The following COL5A2 variants were observed in gnomAD, a reference collection of about 807,000 sequenced individuals.
COL5A2 encodes the protein collagen alpha-2(V) chain.
Under a neutral mutation model 208.2 loss-of-function variants are expected in COL5A2, and 23 were observed. The ratio of observed to expected loss-of-function variants is 0.11; its 90% confidence interval spans 0.08 to 0.16. The LOEUF is 0.16. COL5A2 is among the 10% of genes least tolerant of loss of function. COL5A2 has a pLI of 1.00. For synonymous variants in COL5A2, 625 were observed against 628.5 expected, an observed-to-expected ratio of 0.99 and a Z score of 0.08; for missense variants, 1,590 against 1,956.4, an observed-to-expected ratio of 0.81 and a Z score of 3.53.
chr2:189,184,103 GGC>G (rs1688817106), upstream of COL5A2, among the ~76,000 whole-genome samples: 1 of 152,036 alleles, frequency 6.6e-6, no homozygotes, highest in Admixed American at 6.6e-5. Context: ...TAAACAAGTA[GGC>G]AAATATACAA....
intron 1 of COL5A2, among the ~76,000 whole-genome samples, chr2:189,130,109 C>T (rs560516862): frequency 7.9e-5 from 12 of 152,112 alleles, no homozygotes; most frequent in African/African-American, 2.6e-4. Flanking sequence ...GATAGGGCAA[C>T]GGACAAACAC....
intron 1 of COL5A2, among the ~76,000 whole-genome samples, chr2:189,114,646 AAAAT>A (rs1212151543): frequency 1.3e-5 from 2 of 151,222 alleles, no homozygotes; most frequent in Non-Finnish European, 1.5e-5. Context: ...AAAAAAAAAA[AAAAT>A]GTTTCTTAAA....
At chr2:189,127,685 T>C (rs1028940534) in intron 1 of COL5A2, among the ~76,000 whole-genome samples, 3 of 152,002 alleles carry the variant, frequency 2.0e-5, no homozygotes, top group Non-Finnish European at 2.9e-5. Context: ...AAAATAAGTA[T>C]GTGTTATTTA....
chr2:189,151,426 C>T (rs370458149), intron 1 of COL5A2, among the ~76,000 whole-genome samples: 2 of 152,076 alleles, frequency 1.3e-5, no homozygotes, highest in Non-Finnish European at 1.5e-5. Context: ...ACAAGAAAAG[C>T]AATAGTGATA....
At chr2:189,129,146 A>C (rs1012956531) in intron 1 of COL5A2, among the ~76,000 whole-genome samples, 8 of 151,958 alleles carry the variant, frequency 5.3e-5, no homozygotes, top group African/African-American at 1.9e-4. Context: ...ACAAACCAAA[A>C]ATAAAAAAAA....
the COL5A2 span, among the ~76,000 whole-genome samples, chr2:189,312,356 C>T: frequency 6.6e-6 from 1 of 152,136 alleles, no homozygotes; most frequent in Non-Finnish European, 1.5e-5. Context: ...TGGCCAGGCC[C>T]CCGGATCCCA....
the COL5A2 span, among the ~76,000 whole-genome samples, chr2:189,337,464 G>A: frequency 1.3e-5 from 2 of 152,134 alleles, no homozygotes; most frequent in East Asian, 3.9e-4. Flanking sequence ...TTACAGGCGT[G>A]AGCCACCGCG....
the COL5A2 span, among the ~76,000 whole-genome samples, chr2:189,325,179 A>G: frequency 5.4e-5 from 8 of 148,794 alleles, no homozygotes; most frequent in Admixed American, 5.4e-4. Flanking sequence ...GGGTGGGGGA[A>G]GGGGGAGGGA....
At position 189,033,092 on chromosome 2, in the gene COL5A2, C is replaced by CATTTGA. The variant is rs1210410652; in HGVS notation, c.*972_*977dup. The CATTTGA allele has an allele frequency of 1.3e-5, 2 of 152,554 alleles. No homozygotes were observed. The highest frequency in any genetic ancestry group is 4.8e-5 in the African/African-American group (2 of 41,428). 9.5% of individuals were successfully genotyped at this position (152,554 alleles called of 1,614,324 possible). On this transcript the variant is annotated 3_prime_UTR_variant, in exon 54 of 54. Coordinates refer to ENST00000374866, the MANE Select transcript of COL5A2 (RefSeq NM_000393.5). ...CCAAATGGTCTAATTCCAATCATCACATTTGATTAGAGTCAGCTCCACAAC... is the reference window on the plus strand; with the variant it reads ...CCAAATGGTCTAATTCCAATCATCACATTTGAATTTGATTAGAGTCAGCTCCACAAC...
chr2:189,041,108 C>G (rs1164363321), intron 50 of COL5A2, among the ~76,000 whole-genome samples: 5 of 152,138 alleles, frequency 3.3e-5, no homozygotes, highest in African/African-American at 9.7e-5. Flanking sequence ...ACATAGTATA[C>G]AGCTTTGTAT....
At chr2:189,132,922 A>C (rs988388672) in intron 1 of COL5A2, 3 of 151,650 alleles carry the variant, frequency 2.0e-5, no homozygotes, top group Admixed American at 2.0e-4. Context: ...CTCCATCTCA[A>C]AAAAAAAATT....
chr2:189,121,167 A>G (rs1687492382), intron 1 of COL5A2, among the ~76,000 whole-genome samples: 1 of 151,878 alleles, frequency 6.6e-6, no homozygotes, highest in Admixed American at 6.6e-5. Flanking sequence ...GAAATCTGGG[A>G]TTTGAGTTCT....
chr2:189,243,673 T>C, the COL5A2 span, among the ~76,000 whole-genome samples: 2 of 152,100 alleles, frequency 1.3e-5, no homozygotes, highest in African/African-American at 4.8e-5. Flanking sequence ...TCCTCACATT[T>C]CAAAACAATC....
intron 21 of COL5A2, among the ~76,000 whole-genome samples, chr2:189,067,648 C>T (rs185524207): frequency 4.7e-4 from 72 of 152,196 alleles, no homozygotes; most frequent in Admixed American, 4.6e-3. Context: ...TTGTTGAACC[C>T]TAGCCTAATT....
upstream of COL5A2, among the ~76,000 whole-genome samples, chr2:189,226,895 G>A (rs1483239114): frequency 6.6e-6 from 1 of 152,124 alleles, no homozygotes; most frequent in Non-Finnish European, 1.5e-5. Context: ...AGATTTGAGC[G>A]GCATGTTGCT....
At chr2:189,048,552 TTA>T (rs750266674) in intron 44 of COL5A2, among the ~76,000 whole-genome samples, 18 of 152,362 alleles carry the variant, frequency 1.2e-4, no homozygotes, top group Non-Finnish European at 2.5e-4. Context: ...TCTTGCCACT[TTA>T]TGTTTTGCTT....
At chr2:189,099,266 G>A (rs549065284) in intron 4 of COL5A2, among the ~76,000 whole-genome samples, 2 of 148,460 alleles carry the variant, frequency 1.3e-5, no homozygotes, top group Non-Finnish European at 3.0e-5. Flanking sequence ...GGTAATCTTC[G>A]TTAAAAAAAC....
chr2:189,411,523 T>C, the COL5A2 span, among the ~76,000 whole-genome samples: 1 of 152,170 alleles, frequency 6.6e-6, no homozygotes, highest in Non-Finnish European at 1.5e-5. Flanking sequence ...AATTATCACA[T>C]GGTTGGAAAT....
chr2:189,162,350 G>A (rs536108358), intron 1 of COL5A2, among the ~76,000 whole-genome samples: 1 of 152,278 alleles, frequency 6.6e-6, no homozygotes, highest in East Asian at 1.9e-4. Flanking sequence ...TGCATGGTGG[G>A]GGATATACTC....
Sources: gnomAD v4.1 joint callset for allele counts (sites outside exome capture counted in the v4.1 genomes callset) on GRCh38, gnomAD v4.1.1 for gene constraint, MANE v1.5 for transcripts, NCBI Gene and HGNC (gene_info 2026-07-23, HGNC 2026-07-21) for gene names.